Variants in UBR1 observed in about 807,000 individuals in gnomAD.
UBR1 encodes ubiquitin protein ligase E3 component n-recognin 1, also known as E3 ubiquitin-protein ligase UBR1.
Under a neutral mutation model 242.1 loss-of-function variants are expected in UBR1, and 102 were observed. The ratio of observed to expected loss-of-function variants is 0.42; its 90% confidence interval spans 0.36 to 0.50. The LOEUF is 0.50. UBR1 is among the 20% of genes least tolerant of loss of function. The probability of loss-of-function intolerance (pLI) is 0.01; values close to 1 mark genes in which losing one functional copy is unlikely to be tolerated. For missense variants in UBR1, 1,772 were observed against 2,101.8 expected (o/e 0.84, Z 3.07); for synonymous variants, 675 against 684.8 (o/e 0.99, Z 0.22).
At chr15:43,078,814 A>T (rs1488419746) in intron 3 of UBR1, among the ~76,000 whole-genome samples, 2 of 152,168 alleles carry the variant, frequency 1.3e-5, no homozygotes, top group African/African-American at 2.4e-5. Flanking sequence ...ACAGAAAATT[A>T]AAAAATTAGC....
chr15:43,069,669 T>C (rs530013078), intron 5 of UBR1, among the ~76,000 whole-genome samples: 98 of 152,336 alleles, frequency 6.4e-4, no homozygotes, highest in African/African-American at 2.3e-3. Flanking sequence ...AGCCCTCTTA[T>C]GTTTTAGAAA....
chr15:42,994,283 C>T (rs2032600075), intron 33 of UBR1, among the ~76,000 whole-genome samples: 1 of 150,172 alleles, frequency 6.7e-6, no homozygotes, highest in Non-Finnish European at 1.5e-5. Context: ...CACAGTGGCT[C>T]ACACCTATAA....
rs996428385 is a variant in UBR1, at chr15:43,074,907, A to G, written c.528+72T>C. ...AGGGTTCTAACTGGAATCTATACAC[A>G]TAACATTTATTCTTATCTAATCTCA... On this transcript the variant is annotated intron_variant, in intron 4 of 46. Coordinates refer to ENST00000290650, the MANE Select transcript of UBR1 (RefSeq NM_174916.3). 8.8e-6 allele frequency: 11 copies of G among 1,253,108 alleles called. No individual in the cohort carries two copies. The African/African-American group carries it at 1.5e-4, about 17-fold the overall frequency. The allele number at this position is 1,253,108 out of a possible 1,614,324, so 77.6% of individuals were successfully genotyped here. A position where few individuals can be genotyped will look rare whatever the true frequency, so the allele number is the denominator to read the frequency against.
At chr15:42,995,431 G>A (rs1209329738) in intron 33 of UBR1, among the ~76,000 whole-genome samples, 4 of 151,250 alleles carry the variant, frequency 2.6e-5, no homozygotes, top group Admixed American at 1.3e-4. Flanking sequence ...AGGCCGAGGC[G>A]GGTGGATCAC....
intron 12 of UBR1, among the ~76,000 whole-genome samples, chr15:43,052,280 G>T (rs571281639): frequency 3.0e-4 from 46 of 152,320 alleles, no homozygotes; most frequent in African/African-American, 1.1e-3. Flanking sequence ...ATGCAGAAAA[G>T]ACCTGGCAGG....
intron 27 of UBR1, among the ~76,000 whole-genome samples, chr15:43,017,398 C>G (rs1030803271): frequency 6.6e-6 from 1 of 152,234 alleles, no homozygotes; most frequent in Admixed American, 6.5e-5. Context: ...GTAGCAGAAT[C>G]AGCAGATTCA....
rs375762522 is a variant in UBR1 at position 43,068,089 on chromosome 15, T to TAAAA, written c.660-57_660-54dup. 10 of 787,718 alleles carry TAAAA rather than the reference T, an allele frequency of 1.3e-5. No individual in the cohort carries two copies. In the African/African-American group the frequency reaches 1.4e-4, roughly 11 times the overall value. 48.8% of individuals were successfully genotyped at this position (787,718 alleles called of 1,614,324 possible). A position where few individuals can be genotyped will look rare whatever the true frequency, so the allele number is the denominator to read the frequency against. On this transcript the variant is annotated intron_variant, in intron 5 of 46. Coordinates refer to ENST00000290650, the MANE Select transcript of UBR1 (RefSeq NM_174916.3). ...GATACTACAACAAATAAAGGAAAAGTAAAAAAAAAAAAAAAAAAGACAAAA... is the reference window on the plus strand; with the variant it reads ...GATACTACAACAAATAAAGGAAAAGTAAAAAAAAAAAAAAAAAAAAAAGACAAAA...
chr15:43,103,785 A>ATTT (rs1353251092), intron 1 of UBR1, among the ~76,000 whole-genome samples: 2 of 152,248 alleles, frequency 1.3e-5, no homozygotes, highest in Non-Finnish European at 2.9e-5. Flanking sequence ...GTCCCATACT[A>ATTT]TTTAACTTTG....
chr15:43,025,603 C>G, intron 23 of UBR1, 174 bp from the exon 24 acceptor site: 1 of 596,014 alleles, frequency 1.7e-6, no homozygotes, highest in East Asian at 2.9e-5. Context: ...AAACCTAATG[C>G]AAAATAGATG....
intron 39 of UBR1, 106 bp from the exon 40 acceptor site, chr15:42,970,713 C>A: frequency 9.7e-7 from 1 of 1,026,928 alleles, no homozygotes. Flanking sequence ...ATTCATTCAA[C>A]TGAGGTTCTT....
At chr15:43,034,290 AAATG>A (rs1567132415) in intron 19 of UBR1, among the ~76,000 whole-genome samples, 12 of 142,542 alleles carry the variant, frequency 8.4e-5, no homozygotes, top group Admixed American at 8.3e-4. Flanking sequence ...ATAGATAAAT[AAATG>A]AGCTGGGCGT....
chr15:43,028,054 T>C (rs1328315142), intron 21 of UBR1, among the ~76,000 whole-genome samples: 1 of 152,218 alleles, frequency 6.6e-6, no homozygotes, highest in Non-Finnish European at 1.5e-5. Flanking sequence ...AAAGGTTATC[T>C]AAGTTTGCCT....
At chr15:43,058,478 C>T (rs1259502545) in intron 9 of UBR1, 49 bp from the exon 10 acceptor site, 1 of 1,282,442 alleles carries the variant, frequency 7.8e-7, no homozygotes, top group Non-Finnish European at 1.1e-6. Context: ...ATCACCAAGG[C>T]AAAAACCAAA....
intron 15 of UBR1, among the ~76,000 whole-genome samples, chr15:43,042,197 C>A (rs374651223): frequency 5.9e-5 from 9 of 152,102 alleles, no homozygotes; most frequent in African/African-American, 2.2e-4. Flanking sequence ...ACCCAAAAAA[C>A]TGAAAGCAAG....
rs182619531 is a variant in UBR1, at chr15:42,945,295, G to C, written c.*34C>G. The stretch of plus-strand genomic sequence containing the variant: ...TTTTGAATCAGCCTTTACTACTGTC[G>C]TCATTTGTGATTGTCTTGAGGCAGA... On this transcript the variant is annotated 3_prime_UTR_variant, in exon 47 of 47. Transcript: ENST00000290650. 3.7e-6 allele frequency: 6 copies of C among 1,613,824 alleles called. No individual in the cohort carries two copies. Among genetic ancestry groups the C allele is most frequent in the Non-Finnish European group, 5.1e-6 (6 of 1,179,900 alleles).
chr15:43,086,212 G>A lies in UBR1; in HGVS notation c.110C>T (p.Thr37Ile). Residue 37 changes from threonine (T) to isoleucine (I), a missense_variant, in exon 2 of 47, where the codon ACT (threonine) becomes ATT (isoleucine). Around this residue, in one of 3 missense-constraint regions of UBR1, gnomAD observed 734 missense variants for 893.3 expected, o/e 0.82. Coordinates refer to ENST00000290650, the MANE Select transcript of UBR1 (RefSeq NM_174916.3). ...SWWDQQVDFY[T>I]AFLHHLAQLV... The stretch of plus-strand genomic sequence containing the variant: ...TTGTGCCAAATGATGCAAGAAAGCA[G>A]TATAAAAATCAACTTGCTGATCCCA... The A allele has an allele frequency of 6.2e-7, 1 of 1,613,882 alleles. No individual in the cohort carries two copies. Among genetic ancestry groups the A allele is most frequent in the African/African-American group, 1.3e-5 (1 of 75,018 alleles).
intron 22 of UBR1, 102 bp downstream of exon 22, chr15:43,027,674 T>G: frequency 9.7e-7 from 1 of 1,033,768 alleles, no homozygotes; most frequent in East Asian, 2.5e-5. Context: ...CTCTTATTCT[T>G]GGGAGTTCAG....
chr15:43,041,383 A>G (rs1055749779), intron 15 of UBR1, among the ~76,000 whole-genome samples: 1 of 152,116 alleles, frequency 6.6e-6, no homozygotes, highest in African/African-American at 2.4e-5. Flanking sequence ...CATAGGTGGG[A>G]ATTGAATAAT....
chr15:42,984,141 A>G, intron 36 of UBR1, 148 bp from the exon 37 acceptor site: 1 of 507,900 alleles, frequency 2.0e-6, no homozygotes, highest in Non-Finnish European at 3.5e-6. Context: ...AATAAATTAC[A>G]ATATTCTTAA....
Sources: gnomAD v4.1 joint callset for allele counts (sites outside exome capture counted in the v4.1 genomes callset) on GRCh38, gnomAD v4.1.1 for gene constraint, gnomAD v4.1.1 regional missense constraint, MANE v1.5 for transcripts, NCBI Gene and HGNC (gene_info 2026-07-23, HGNC 2026-07-21) for gene names.